LEPR: variants seen among roughly 807,000 people sequenced by gnomAD.
LEPR encodes the protein leptin receptor, also known as OB receptor.
A neutral mutation model predicts 114.7 loss-of-function variants in LEPR; 56 were observed. The observed-to-expected ratio is 0.49, with a 90% CI of 0.39 to 0.61. The LOEUF is 0.61. Ranked by LOEUF, LEPR falls within the 20% of genes least tolerant of loss-of-function variation. LEPR has a pLI of 0.00. For missense variants in LEPR, 1,202 were observed against 1,352.9 expected, an observed-to-expected ratio of 0.89 and a Z score of 1.75; for synonymous variants, 443 against 461.4, an observed-to-expected ratio of 0.96 and a Z score of 0.51.
chr1:65,547,868 C>T lies in LEPR; in HGVS notation c.-20-17678C>T, dbSNP rs547328523. ...CTGCTGGCTTTTGAATGTGTTTGCT[C>T]TTGCTTTTCTAGTTCTTTTAATTGT... On this transcript the variant is annotated intron_variant, in intron 2 of 19. Transcript: ENST00000349533. Among the ~76,000 whole-genome samples the T allele has an allele frequency of 1.1e-3, 110 of 100,338 alleles. 19 individuals are homozygous for T. The highest frequency in any genetic ancestry group is 9.7e-3 in the Middle Eastern group (2 of 206). 65.8% of individuals were successfully genotyped at this position (100,338 alleles called of 152,430 possible). A position where few individuals can be genotyped will look rare whatever the true frequency, so the allele number is the denominator to read the frequency against.
intron 2 of LEPR, chr1:65,435,060 A>G: frequency 1.0e-6 from 1 of 985,448 alleles, no homozygotes; most frequent in South Asian, 4.7e-5. Flanking sequence ...AGAATGGGAG[A>G]ACGGAATGAA....
Position 65,481,252 on chromosome 1 carries a change from C to T in LEPR, c.-21+55874C>T, listed in dbSNP as rs75414713. 3.0e-3 allele frequency among the ~76,000 whole-genome samples: 457 copies of T among 152,226 alleles called. 1 individual carries two copies. Among genetic ancestry groups the T allele is most frequent in the East Asian group, 0.022 (116 of 5,178 alleles). ...AATCACCTCTCTGAAGGCCCTATCT[C>T]TAAATACAGTCACAATTCGAGGAAT... On this transcript the variant is annotated intron_variant, in intron 2 of 19. Transcript: ENST00000349533.
At chr1:65,429,339 G>C (rs1156419067) in intron 2 of LEPR, among the ~76,000 whole-genome samples, 1 of 152,178 alleles carries the variant, frequency 6.6e-6, no homozygotes, top group Non-Finnish European at 1.5e-5. Context: ...CAGAAAAAAG[G>C]CTGGTGTGGC....
chr1:65,472,411 AACACACACAC>A (rs71721804), intron 2 of LEPR, among the ~76,000 whole-genome samples: 3 of 133,286 alleles, frequency 2.3e-5, no homozygotes, highest in African/African-American at 8.7e-5. Flanking sequence ...CTGTGGCTAA[AACACACACAC>A]ACACACACAC....
intron 2 of LEPR, among the ~76,000 whole-genome samples, chr1:65,437,718 T>G (rs1439849292): frequency 1.3e-5 from 2 of 152,088 alleles, no homozygotes; most frequent in African/African-American, 4.8e-5. Context: ...TAGGCGCTAC[T>G]GGAAAAAATA....
chr1:65,624,893 G>A (rs1024625930), intron 19 of LEPR, among the ~76,000 whole-genome samples: 1 of 152,160 alleles, frequency 6.6e-6, no homozygotes, highest in African/African-American at 2.4e-5. Context: ...AGCAGCAGTA[G>A]TGTTGTTTTA....
intron 2 of LEPR, among the ~76,000 whole-genome samples, chr1:65,511,470 A>G (rs1207326473): frequency 7.1e-6 from 1 of 141,378 alleles, no homozygotes; most frequent in Non-Finnish European, 1.6e-5. Context: ...ACACACACAC[A>G]CGTGTATTTT....
intron 2 of LEPR, among the ~76,000 whole-genome samples, chr1:65,469,828 A>G (rs575150400): frequency 6.6e-6 from 1 of 152,288 alleles, no homozygotes; most frequent in East Asian, 1.9e-4. Context: ...ATTCATCCTC[A>G]TTCTCATTTC....
chr1:65,480,130 C>G (rs1183942353), intron 2 of LEPR, among the ~76,000 whole-genome samples: 1 of 152,026 alleles, frequency 6.6e-6, no homozygotes, highest in Non-Finnish European at 1.5e-5. Context: ...GCAGGACCAA[C>G]AGAAACTCCA....
In LEPR at chr1:65,598,721, A is replaced by C. The variant is rs1656247068; in HGVS notation, c.911A>C (p.Tyr304Ser). The C allele has an allele frequency of 1.2e-6, 2 of 1,613,356 alleles. No homozygotes were observed. The highest frequency in any genetic ancestry group is 3.3e-5 in the Admixed American group (2 of 59,938). ...LVDSILPGSS[Y>S]EVQVRGKRLD... ...GACAGTATACTTCCTGGGTCTTCGT[A>C]TGAGGTTCAGGTGAGGGGCAAGAGA... is the stretch of plus-strand genomic sequence containing the variant. The change falls in exon 8 of 20, where the codon TAT becomes TCT. Residue 304 changes from tyrosine (Y) to serine (S), a missense_variant. Tyr to Ser is a moderately radical substitution (Grantham distance 144). Transcript: ENST00000349533.
chr1:65,430,176 T>G, intron 2 of LEPR: 5 of 798,314 alleles, frequency 6.3e-6, no homozygotes, highest in Non-Finnish European at 9.1e-6. Context: ...TTAGTTTCTC[T>G]GTTCCTCTAC....
chr1:65,549,388 A>G (rs1289276500), intron 2 of LEPR, among the ~76,000 whole-genome samples: 1 of 152,040 alleles, frequency 6.6e-6, no homozygotes, highest in Admixed American at 6.5e-5. Flanking sequence ...CTCCTGGATA[A>G]TATCCTGCAG....
chr1:65,506,914 G>T (rs1435047767), intron 2 of LEPR, among the ~76,000 whole-genome samples: 1 of 152,102 alleles, frequency 6.6e-6, no homozygotes, highest in African/African-American at 2.4e-5. Context: ...CGTATCAGCT[G>T]AACAATATCT....
At chr1:65,546,861 G>A (rs911248198) in intron 2 of LEPR, among the ~76,000 whole-genome samples, 2 of 152,276 alleles carry the variant, frequency 1.3e-5, no homozygotes, top group Admixed American at 1.3e-4. Flanking sequence ...TAGGAGTGGT[G>A]AGAGAGGGCA....
chr1:65,602,849 C>T (rs1206653528), intron 10 of LEPR, among the ~76,000 whole-genome samples: 1 of 152,092 alleles, frequency 6.6e-6, no homozygotes, highest in Non-Finnish European at 1.5e-5. Flanking sequence ...GTACATTTCT[C>T]AAATAGCTGC....
At chr1:65,458,903 T>C (rs1646910787) in intron 2 of LEPR, among the ~76,000 whole-genome samples, 1 of 152,246 alleles carries the variant, frequency 6.6e-6, no homozygotes, top group Non-Finnish European at 1.5e-5. Context: ...TGCTTTGCAA[T>C]TTGGCAGTTT....
intron 2 of LEPR, among the ~76,000 whole-genome samples, chr1:65,498,325 A>G (rs1024839386): frequency 2.6e-5 from 4 of 152,114 alleles, no homozygotes; most frequent in African/African-American, 4.8e-5. Flanking sequence ...CTGGCTAAAT[A>G]ACTGCTGAGG....
chr1:65,621,202 A>G (rs1657859754), intron 17 of LEPR, 151 bp from the exon 18 acceptor site: 2 of 680,232 alleles, frequency 2.9e-6, no homozygotes, highest in Non-Finnish European at 4.9e-6. Flanking sequence ...TGATCACAAC[A>G]TATTTTTATC....
chr1:65,636,806 A>C lies in LEPR; in HGVS notation c.3289A>C (p.Lys1097Gln), dbSNP rs1658734937. ...KRESGVLLTD[K>Q]SRVSCPFPAP... ...AGAGAGTGGTGTGCTTTTGACTGACAAGTCAAGGGTATCGTGCCCATTCCC... is the reference window on the plus strand; with the variant it reads ...AGAGAGTGGTGTGCTTTTGACTGACCAGTCAAGGGTATCGTGCCCATTCCC... The change falls in exon 20 of 20, where the codon AAG (lysine) becomes CAG (glutamine). Residue 1097 changes from lysine (K) to glutamine (Q), a missense_variant. Transcript: ENST00000349533. 2 of 1,614,010 alleles carry C rather than the reference A, an allele frequency of 1.2e-6. No homozygotes were observed. Among genetic ancestry groups the C allele is most frequent in the African/African-American group, 2.7e-5 (2 of 75,044 alleles).
Sources: gnomAD v4.1 joint callset for allele counts (sites outside exome capture counted in the v4.1 genomes callset) on GRCh38, gnomAD v4.1.1 for gene constraint, MANE v1.5 for transcripts, NCBI Gene and HGNC (gene_info 2026-07-23, HGNC 2026-07-21) for gene names.